Variants in PCDHA5 observed in about 807,000 individuals in gnomAD.
The protein encoded by PCDHA5 is protocadherin alpha 5, also known as protocadherin alpha-5.
Under a neutral mutation model 61.6 loss-of-function variants are expected in PCDHA5, and 43 were observed. The observed-to-expected ratio is 0.70, with a 90% CI of 0.55 to 0.90. The LOEUF is 0.90. PCDHA5 is among the 40% of genes least tolerant of loss of function. The pLI is 0.00. For missense variants in PCDHA5, 1,298 were observed against 1,222.7 expected (o/e 1.06, Z -0.92); for synonymous variants, 627 against 543.9 (o/e 1.15, Z -2.13).
chr5:140,951,773 A>T (rs1554220071), intron 1 of PCDHA5, among the ~76,000 whole-genome samples: 1 of 152,198 alleles, frequency 6.6e-6, no homozygotes, highest in East Asian at 1.9e-4. Context: ...TGACGTTCTT[A>T]CATTGCAAAA....
chr5:140,931,279 C>T (rs73793526), intron 1 of PCDHA5, among the ~76,000 whole-genome samples: 2,016 of 152,088 alleles, frequency 0.013, 37 homozygotes, highest in African/African-American at 0.046. Context: ...CTTTTATTTT[C>T]ATTGCTTTCT....
In PCDHA5 at chr5:140,858,081, C is replaced by G. The variant is rs782778779; in HGVS notation, c.2352+33954C>G. 1.0e-5 allele frequency: 16 copies of G among 1,597,646 alleles called. No individual in the cohort carries two copies. Among genetic ancestry groups the G allele is most frequent in the Admixed American group, 1.7e-5 (1 of 59,270 alleles). On this transcript the variant is annotated intron_variant, in intron 1 of 3. Transcript: ENST00000529859. The stretch of plus-strand genomic sequence containing the variant: ...GAGGGCAGCCAGGCACCCAAGGCCT[C>G]GTCGCGGGCTTCAGTGGGCGTGGCG...
At chr5:140,828,117 T>C (rs923663233) in intron 1 of PCDHA5, 7 of 1,612,442 alleles carry the variant, frequency 4.3e-6, no homozygotes, top group Non-Finnish European at 5.9e-6. Context: ...GAGGATAGAT[T>C]GGGAAAGCAA....
chr5:140,863,834 A>G lies in PCDHA5; in HGVS notation c.2352+39707A>G, dbSNP rs868982708. The G allele has an allele frequency of 1.6e-5, 3 of 185,882 alleles. No homozygotes were observed. The East Asian group carries it at 3.9e-4, about 24-fold the overall frequency. The allele number at this position is 185,882 out of a possible 1,614,324, so 11.5% of individuals were successfully genotyped here. A position where few individuals can be genotyped will look rare whatever the true frequency, so the allele number is the denominator to read the frequency against. The stretch of plus-strand genomic sequence containing the variant: ...GCCAACATGGTGAAACTCCATCTCT[A>G]CTAAAGATATAAAAAAATTAGCTGG... On this transcript the variant is annotated intron_variant, in intron 1 of 3. Transcript: ENST00000529859.
intron 1 of PCDHA5, chr5:140,825,843 T>C (rs1768734977): frequency 6.6e-6 from 1 of 152,442 alleles, no homozygotes; most frequent in Non-Finnish European, 1.5e-5. Context: ...AAATATACCA[T>C]GATACAAACT....
intron 1 of PCDHA5, among the ~76,000 whole-genome samples, chr5:140,885,299 G>A (rs904206700): frequency 3.9e-5 from 6 of 152,042 alleles, no homozygotes; most frequent in African/African-American, 1.4e-4. Context: ...GAGAGACCTG[G>A]TAGGCTTTTT....
chr5:140,834,296 A>T, intron 1 of PCDHA5: 2 of 1,241,708 alleles, frequency 1.6e-6, no homozygotes, highest in South Asian at 1.5e-5. Flanking sequence ...CAATGGCCAC[A>T]CATCGAGATT....
At chr5:140,945,147 T>C (rs1554216774) in intron 1 of PCDHA5, among the ~76,000 whole-genome samples, 1 of 152,154 alleles carries the variant, frequency 6.6e-6, no homozygotes, top group Non-Finnish European at 1.5e-5. Flanking sequence ...ATAGCATTTC[T>C]ATACACTATT....
In PCDHA5 at chr5:140,852,257, T is replaced by C. The variant is rs1417638818; in HGVS notation, c.2352+28130T>C. 5.9e-6 allele frequency: 3 copies of C among 512,112 alleles called. No individual in the cohort carries two copies. The African/African-American group carries it at 6.3e-5, about 11-fold the overall frequency. 31.7% of individuals were successfully genotyped at this position (512,112 alleles called of 1,614,324 possible). A position where few individuals can be genotyped will look rare whatever the true frequency, so the allele number is the denominator to read the frequency against. On this transcript the variant is annotated intron_variant, in intron 1 of 3. Coordinates refer to ENST00000529859, the MANE Select transcript of PCDHA5 (RefSeq NM_018908.3). ...TCCCTTAAAACACACTTTTGGAATA[T>C]GCTACAATATTACATGTTTTTTGTC...
At chr5:140,880,694 A>T (rs1254061280) in intron 1 of PCDHA5, among the ~76,000 whole-genome samples, 1 of 152,346 alleles carries the variant, frequency 6.6e-6, no homozygotes, top group South Asian at 2.1e-4. Context: ...AGTCATGGTT[A>T]AGTGACAATG....
intron 1 of PCDHA5, among the ~76,000 whole-genome samples, chr5:140,945,406 G>A (rs992531626): frequency 2.0e-4 from 30 of 151,882 alleles, no homozygotes; most frequent in East Asian, 1.2e-3. Flanking sequence ...AATACAATTC[G>A]TATCAAAATT....
chr5:140,849,081 T>G (rs2040772386), intron 1 of PCDHA5: 2 of 1,516,686 alleles, frequency 1.3e-6, no homozygotes. Context: ...TGGACTTGTA[T>G]TACGGAAACT....
chr5:140,954,978 A>C (rs1268797182), intron 1 of PCDHA5, among the ~76,000 whole-genome samples: 2 of 152,176 alleles, frequency 1.3e-5, no homozygotes, highest in African/African-American at 4.8e-5. Context: ...GTCCAGTTTC[A>C]ATTTTCTGCA....
intron 1 of PCDHA5, chr5:140,852,478 A>G: frequency 5.0e-6 from 1 of 199,118 alleles, no homozygotes. Flanking sequence ...GGGTTTCATC[A>G]TGTTGGCCAG....
intron 1 of PCDHA5, chr5:140,928,635 A>T (rs148091714): frequency 1.6e-4 from 258 of 1,614,104 alleles, no homozygotes; most frequent in Non-Finnish European, 2.1e-4. Flanking sequence ...ACTTGGTCAC[A>T]AAAGTGGTAG....
chr5:140,928,288 C>CA (rs1554205700), intron 1 of PCDHA5: 1 of 1,614,156 alleles, frequency 6.2e-7, no homozygotes, highest in East Asian at 2.2e-5. Flanking sequence ...CTCTCTAGGC[C>CA]GAGTGTTTGC....
At chr5:140,883,466 A>G (rs782104317) in intron 1 of PCDHA5, 43 of 1,614,010 alleles carry the variant, frequency 2.7e-5, no homozygotes, top group Non-Finnish European at 3.5e-5. Context: ...GCTGGTGTCC[A>G]CCTACAAGAA....
intron 1 of PCDHA5, among the ~76,000 whole-genome samples, chr5:140,840,437 GAAATAGAAACGTTAAATAA>G (rs1776700709): frequency 6.6e-6 from 1 of 151,948 alleles, no homozygotes; most frequent in Non-Finnish European, 1.5e-5. Context: ...TAAAGCCGTG[GAAATAGAAACGTTAAATAA>G]AAAGTTGGGG....
intron 1 of PCDHA5, among the ~76,000 whole-genome samples, chr5:140,914,012 G>A (rs2153528687): frequency 6.6e-6 from 1 of 152,234 alleles, no homozygotes; most frequent in Admixed American, 6.5e-5. Context: ...CTATCTTTGA[G>A]AATGATCCAC....
Sources: gnomAD v4.1 joint callset for allele counts (sites outside exome capture counted in the v4.1 genomes callset) on GRCh38, gnomAD v4.1.1 for gene constraint, MANE v1.5 for transcripts, NCBI Gene and HGNC (gene_info 2026-07-23, HGNC 2026-07-21) for gene names.